The following ZNF423 variants were observed in gnomAD, a reference collection of about 807,000 sequenced individuals.
The protein encoded by ZNF423 is Ebf-associated zinc finger protein.
ZNF423 carries 12 observed loss-of-function variants against 95.8 expected under a neutral mutation model. The observed-to-expected ratio is 0.13, with a 90% CI of 0.08 to 0.20. ZNF423 has a LOEUF of 0.20. Ranked by LOEUF, ZNF423 falls within the 10% of genes least tolerant of loss-of-function variation. The probability of loss-of-function intolerance (pLI) is 1.00; values close to 1 mark genes in which losing one functional copy is unlikely to be tolerated. For missense variants in ZNF423, 1,316 were observed against 1,737.1 expected, an observed-to-expected ratio of 0.76 and a Z score of 4.31; for synonymous variants, 749 against 711.9, an observed-to-expected ratio of 1.05 and a Z score of -0.83.
At chr16:49,803,581 G>A (rs558344022) in intron 1 of ZNF423, among the ~76,000 whole-genome samples, 2 of 152,080 alleles carry the variant, frequency 1.3e-5, no homozygotes, top group Non-Finnish European at 2.9e-5. Context: ...AGAAGTCTGC[G>A]CTAGGTAGCA....
chr16:49,636,673 G>T lies in ZNF423; in HGVS notation c.2503C>A (p.Arg835=). The T allele has an allele frequency of 2.5e-6, 4 of 1,614,022 alleles. No individual in the cohort carries two copies. The highest frequency in any genetic ancestry group is 3.4e-6 in the Non-Finnish European group (4 of 1,180,012). Residue 835 remains arginine, a synonymous_variant, in exon 4 of 8, where the codon CGG becomes AGG. Transcript: ENST00000563137. The surrounding 1 kb of genome is among the most constrained non-coding windows in gnomAD (Gnocchi z 8.6). The stretch of plus-strand genomic sequence containing the variant: ...GCATCAAACACACAGTGCTTCTCCC[G>T]CAGGTGCTTCTCCAGCAGGATGATG... ...HAIILLEKHL[R]EKHCVFDAAT...
At chr16:49,777,785 T>C (rs1178990204) in intron 2 of ZNF423, among the ~76,000 whole-genome samples, 2 of 152,224 alleles carry the variant, frequency 1.3e-5, no homozygotes, top group Admixed American at 1.3e-4. Flanking sequence ...GGAATGCTAA[T>C]ACTGTGGTTA....
At chr16:49,740,946 C>G (rs1447815989) in intron 2 of ZNF423, among the ~76,000 whole-genome samples, 1 of 152,320 alleles carries the variant, frequency 6.6e-6, no homozygotes, top group Non-Finnish European at 1.5e-5. Flanking sequence ...TGACCCCCAG[C>G]CCCTGTCAGG....
chr16:49,520,789 C>T (rs1404698983), intron 7 of ZNF423, among the ~76,000 whole-genome samples: 1 of 152,182 alleles, frequency 6.6e-6, no homozygotes, highest in South Asian at 2.1e-4. Flanking sequence ...GGACAATGAA[C>T]ACTCCAATGC....
chr16:49,599,409 G>A (rs1971285165), intron 5 of ZNF423, among the ~76,000 whole-genome samples: 3 of 152,166 alleles, frequency 2.0e-5, no homozygotes, highest in South Asian at 4.1e-4. Context: ...CTGAGCACTT[G>A]ACCATAGATT....
At chr16:49,783,968 C>CAA (rs57994963) in intron 2 of ZNF423, among the ~76,000 whole-genome samples, 5 of 87,742 alleles carry the variant, frequency 5.7e-5, no homozygotes, top group South Asian at 3.6e-4. Context: ...GACTCCAACT[C>CAA]AAAAAAAAAA....
chr16:49,838,832 G>C (rs2035150662), intron 1 of ZNF423, among the ~76,000 whole-genome samples: 1 of 151,718 alleles, frequency 6.6e-6, no homozygotes, highest in Non-Finnish European at 1.5e-5. Flanking sequence ...ACCTGGCCCT[G>C]AGTGACTGCG....
chr16:49,716,830 T>C (rs2032723185), intron 3 of ZNF423, among the ~76,000 whole-genome samples: 1 of 152,060 alleles, frequency 6.6e-6, no homozygotes, highest in African/African-American at 2.4e-5. Flanking sequence ...CATTACGGGA[T>C]GATCTGCTGG....
intron 5 of ZNF423, among the ~76,000 whole-genome samples, chr16:49,570,278 C>T (rs1305842150): frequency 6.6e-6 from 1 of 152,166 alleles, no homozygotes; most frequent in East Asian, 1.9e-4. Flanking sequence ...CAGGCAGGCT[C>T]TTTCTTTCAT....
intron 7 of ZNF423, among the ~76,000 whole-genome samples, chr16:49,512,210 A>G (rs1967927696): frequency 6.6e-6 from 1 of 152,228 alleles, no homozygotes; most frequent in Non-Finnish European, 1.5e-5. Flanking sequence ...TCAGGTGCTT[A>G]GTAAACACTT....
intron 3 of ZNF423, among the ~76,000 whole-genome samples, chr16:49,682,023 C>A (rs1173550139): frequency 2.0e-5 from 3 of 151,704 alleles, no homozygotes; most frequent in Middle Eastern, 6.8e-3. Flanking sequence ...CTCTCTGCCT[C>A]CCCTCATCCT....
intron 4 of ZNF423, among the ~76,000 whole-genome samples, chr16:49,626,534 G>T (rs1972277385): frequency 6.6e-6 from 1 of 152,014 alleles, no homozygotes; most frequent in Non-Finnish European, 1.5e-5. Flanking sequence ...AGGCCTCCTT[G>T]CTTAGAAGGG....
At chr16:49,505,911 C>T (rs4785313) in intron 7 of ZNF423, among the ~76,000 whole-genome samples, 3,696 of 152,282 alleles carry the variant, frequency 0.024, 77 homozygotes, top group Admixed American at 0.05. Flanking sequence ...AGATACCTGC[C>T]CCACAATGAT....
upstream of ZNF423, among the ~76,000 whole-genome samples, chr16:49,859,065 G>A (rs1008346819): frequency 6.6e-6 from 1 of 152,208 alleles, no homozygotes; most frequent in African/African-American, 2.4e-5. Flanking sequence ...GCCCAGCCGG[G>A]AGTCTGGAGA....
chr16:49,854,405 G>GCCGTT, intron 1 of ZNF423: 1 of 982,466 alleles, frequency 1.0e-6, no homozygotes. Context: ...TTCAGTTCCA[G>GCCGTT]CCATTCCAGC....
At chr16:49,737,938 G>A (rs1384977809) in intron 2 of ZNF423, among the ~76,000 whole-genome samples, 1 of 152,184 alleles carries the variant, frequency 6.6e-6, no homozygotes, top group Non-Finnish European at 1.5e-5. Context: ...AAACCTCCCA[G>A]CCACCATCAG....
intron 7 of ZNF423, among the ~76,000 whole-genome samples, chr16:49,507,236 G>T (rs1967683555): frequency 1.3e-5 from 2 of 152,070 alleles, no homozygotes; most frequent in South Asian, 4.2e-4. Flanking sequence ...CACTTAATAG[G>T]GTCATAACTA....
chr16:49,691,871 C>T (rs1287653110), intron 3 of ZNF423, among the ~76,000 whole-genome samples: 1 of 152,202 alleles, frequency 6.6e-6, no homozygotes, highest in Non-Finnish European at 1.5e-5. Flanking sequence ...TTGGCCTCCT[C>T]CTGCTGCTGA....
At chr16:49,628,530 CATCT>C (rs1482153455) in intron 4 of ZNF423, among the ~76,000 whole-genome samples, 1 of 142,292 alleles carries the variant, frequency 7.0e-6, no homozygotes, top group African/African-American at 2.8e-5. Context: ...TCCATCCATC[CATCT>C]ATCCATCCAT....
Sources: allele counts gnomAD v4.1 joint callset (sites outside exome capture counted in the v4.1 genomes callset), GRCh38; gene constraint gnomAD v4.1.1; non-coding constraint Gnocchi (gnomAD v3.1); transcripts MANE v1.5; gene names NCBI Gene and HGNC (gene_info 2026-07-23, HGNC 2026-07-21).